Variants in NELL1 observed in about 807,000 individuals in gnomAD.
The protein encoded by NELL1 is protein kinase C-binding protein NELL1.
In NELL1, 76 loss-of-function variants were observed where a neutral mutation model predicts 107.4. The observed-to-expected ratio is 0.71, with a 90% CI of 0.59 to 0.86. NELL1 has a LOEUF of 0.86. NELL1 is among the 40% of genes least tolerant of loss of function. NELL1 has a pLI of 0.00. For synonymous variants in NELL1, 353 were observed against 341.2 expected (o/e 1.03, Z -0.38); for missense variants, 1,024 against 1,005.5 (o/e 1.02, Z -0.25).
At chr11:20,745,497 A>G (rs1384652368) in intron 2 of NELL1, among the ~76,000 whole-genome samples, 1 of 152,218 alleles carries the variant, frequency 6.6e-6, no homozygotes. Context: ...GCACATGTTC[A>G]TACACAGTAG....
intron 2 of NELL1, among the ~76,000 whole-genome samples, chr11:20,728,377 A>G (rs1322187778): frequency 6.6e-6 from 1 of 151,960 alleles, no homozygotes; most frequent in Non-Finnish European, 1.5e-5. Context: ...ATAAATTCTT[A>G]CTTTTCAAGG....
At chr11:21,328,092 A>G (rs1850184902) in intron 14 of NELL1, among the ~76,000 whole-genome samples, 1 of 152,202 alleles carries the variant, frequency 6.6e-6, no homozygotes, top group East Asian at 1.9e-4. Context: ...AGTGTTAATT[A>G]GCAAGACAAT....
chr11:21,480,550 A>G (rs149146490), intron 15 of NELL1, among the ~76,000 whole-genome samples: 1 of 152,320 alleles, frequency 6.6e-6, no homozygotes, highest in African/African-American at 2.4e-5. Flanking sequence ...ATCTGACCAA[A>G]AAAATCCTAG....
intron 14 of NELL1, among the ~76,000 whole-genome samples, chr11:21,289,225 T>C (rs1371642348): frequency 1.3e-5 from 2 of 152,192 alleles, no homozygotes; most frequent in African/African-American, 2.4e-5. Flanking sequence ...TTGGGCAAGA[T>C]GGCCCAATAA....
At position 20,980,854 on chromosome 11, in the gene NELL1, T is replaced by C. The variant is rs553264599; in HGVS notation, c.1300+20294T>C. Among the ~76,000 whole-genome samples, 99 of 152,328 alleles carry C rather than the reference T, an allele frequency of 6.5e-4. 2 individuals carry two copies. In the South Asian group the frequency reaches 0.019, roughly 30 times the overall value. On this transcript the variant is annotated intron_variant, in intron 12 of 19. Transcript: ENST00000357134. The stretch of plus-strand genomic sequence containing the variant: ...CTTCTGGGCACTAATGTGTTTGCCA[T>C]GGGACTTGTAGTTCTGGCCAAGGAG...
chr11:20,986,692 A>C (rs1365937067), intron 12 of NELL1, among the ~76,000 whole-genome samples: 1 of 152,034 alleles, frequency 6.6e-6, no homozygotes, highest in Non-Finnish European at 1.5e-5. Context: ...ATGCTTTTAG[A>C]ATCACTGTTC....
chr11:21,034,125 G>A (rs1028223194), intron 12 of NELL1, among the ~76,000 whole-genome samples: 19 of 151,964 alleles, frequency 1.3e-4, no homozygotes, highest in African/African-American at 4.6e-4. Flanking sequence ...GTTGCCTTGC[G>A]GGTTTTTATA....
At chr11:20,989,176 C>T (rs191815493) in intron 12 of NELL1, among the ~76,000 whole-genome samples, 122 of 152,260 alleles carry the variant, frequency 8.0e-4, no homozygotes, top group Non-Finnish European at 1.6e-3. Context: ...CACTGTTTTC[C>T]TCAGTTTCTG....
chr11:20,715,436 G>A (rs1346755384), intron 2 of NELL1, among the ~76,000 whole-genome samples: 1 of 152,026 alleles, frequency 6.6e-6, no homozygotes, highest in Non-Finnish European at 1.5e-5. Context: ...GGAGGTTCCG[G>A]TAACTCATTT....
intron 15 of NELL1, among the ~76,000 whole-genome samples, chr11:21,517,090 C>A (rs6483776): frequency 6.6e-6 from 1 of 151,938 alleles, no homozygotes; most frequent in African/African-American, 2.4e-5. Context: ...CGCCCAGCCA[C>A]CATTGTATTC....
chr11:20,709,078 C>T (rs1043838727), intron 2 of NELL1, among the ~76,000 whole-genome samples: 2 of 152,128 alleles, frequency 1.3e-5, no homozygotes, highest in African/African-American at 4.8e-5. Context: ...TACTGCTCAC[C>T]TGCTGCTGTG....
At chr11:21,342,683 A>T (rs936897314) in intron 14 of NELL1, among the ~76,000 whole-genome samples, 1 of 135,686 alleles carries the variant, frequency 7.4e-6, no homozygotes, top group African/African-American at 2.7e-5. Context: ...AAAGAAAGAG[A>T]TAGGAAAGGA....
intron 3 of NELL1, among the ~76,000 whole-genome samples, chr11:20,784,228 T>C (rs1440434333): frequency 6.6e-6 from 1 of 152,218 alleles, no homozygotes; most frequent in African/African-American, 2.4e-5. Context: ...AAAGATCACA[T>C]AAGCTAGTAG....
intron 15 of NELL1, among the ~76,000 whole-genome samples, chr11:21,379,721 A>G (rs866052641): frequency 3.9e-5 from 6 of 152,196 alleles, no homozygotes; most frequent in Non-Finnish European, 7.4e-5. Flanking sequence ...AATTTATTCT[A>G]CTCTCTTTTC....
In NELL1 at chr11:20,953,942, C is replaced by G. The variant is rs180986650; in HGVS notation, c.1172-6490C>G. On this transcript the variant is annotated intron_variant, in intron 11 of 19. Transcript: ENST00000357134. ...GTTTATGGTATTTTTTGCTGTATTC[C>G]TATTGTCTGGTATAATGCCTGCACA... 1.7e-3 allele frequency among the ~76,000 whole-genome samples: 256 copies of G among 152,160 alleles called. 2 individuals carry two copies. Among genetic ancestry groups the G allele is most frequent in the Admixed American group, 5.0e-3 (77 of 15,272 alleles).
intron 2 of NELL1, among the ~76,000 whole-genome samples, chr11:20,697,611 T>A (rs958169985): frequency 6.6e-5 from 10 of 152,130 alleles, no homozygotes. Context: ...AAGACCTAGA[T>A]GAATAAGGTA....
chr11:21,304,156 C>T (rs1221421385), intron 14 of NELL1, among the ~76,000 whole-genome samples: 3 of 151,986 alleles, frequency 2.0e-5, no homozygotes, highest in Non-Finnish European at 4.4e-5. Context: ...ACTTACTGAT[C>T]ATGGTTATAA....
At chr11:21,519,538 G>GTTT (rs1234168695) in intron 15 of NELL1, among the ~76,000 whole-genome samples, 3 of 61,812 alleles carry the variant, frequency 4.9e-5, no homozygotes, top group African/African-American at 1.1e-4. Flanking sequence ...GTTTTGTTTT[G>GTTT]TTTTTTGTTT....
At chr11:21,081,166 A>C (rs1854259351) in intron 12 of NELL1, among the ~76,000 whole-genome samples, 1 of 152,080 alleles carries the variant, frequency 6.6e-6, no homozygotes, top group African/African-American at 2.4e-5. Flanking sequence ...GAGACATATC[A>C]CTGCTGTCAC....
Sources: gnomAD v4.1 joint callset for allele counts (sites outside exome capture counted in the v4.1 genomes callset) on GRCh38, gnomAD v4.1.1 for gene constraint, MANE v1.5 for transcripts, NCBI Gene and HGNC (gene_info 2026-07-23, HGNC 2026-07-21) for gene names.